The following PCDHGA2 variants were observed in gnomAD, a reference collection of about 807,000 sequenced individuals.
The protein encoded by PCDHGA2 is protocadherin gamma subfamily A, 2, also known as protocadherin gamma-A2.
A neutral mutation model predicts 59.2 loss-of-function variants in PCDHGA2; 40 were observed. The ratio of observed to expected loss-of-function variants is 0.68; its 90% confidence interval spans 0.52 to 0.88. The LOEUF (loss-of-function observed/expected upper bound fraction) is 0.88, where lower values mean the gene tolerates loss of function less well. Ranked by LOEUF, PCDHGA2 falls within the 40% of genes least tolerant of loss-of-function variation. PCDHGA2 has a pLI of 0.00. For synonymous variants in PCDHGA2, 560 were observed against 526.0 expected (o/e 1.06, Z -0.89); for missense variants, 1,226 against 1,204.0 (o/e 1.02, Z -0.27).
chr5:141,476,146 G>C lies in PCDHGA2; in HGVS notation c.2425-18661G>C. 1 of 1,611,402 alleles carries C rather than the reference G, an allele frequency of 6.2e-7. No individual in the cohort carries two copies. On this transcript the variant is annotated intron_variant, in intron 1 of 3. Transcript: ENST00000394576. This position sits in a 1 kb window ranked among gnomAD's most constrained non-coding sequence, Gnocchi z 7.6. ...TCCCAGAGGCCTGGAGGAGCGGACT[G>C]GTAAGCACCGGGAGGGTAGTGGGAG...
chr5:141,410,837 TTTTGTC>T, intron 1 of PCDHGA2: 3 of 501,732 alleles, frequency 6.0e-6, no homozygotes. Context: ...ACTGAAGATA[TTTTGTC>T]TTTGTCTTTT....
At position 141,431,376 on chromosome 5, in the gene PCDHGA2, C is replaced by T. The variant is rs558222633; in HGVS notation, c.2425-63431C>T. The T allele has an allele frequency of 1.2e-6, 2 of 1,613,436 alleles. No homozygotes were observed. Among genetic ancestry groups the T allele is most frequent in the African/African-American group, 2.7e-5 (2 of 75,070 alleles). On this transcript the variant is annotated intron_variant, in intron 1 of 3. Coordinates refer to ENST00000394576, the MANE Select transcript of PCDHGA2 (RefSeq NM_018915.4). The surrounding 1 kb of genome is among the most constrained non-coding windows in gnomAD (Gnocchi z 4.8). Reference sequence around the variant, plus strand: ...CGCGCCCTGGACCGCGAAGAAAAGGCTGCTCACCACCTGGTCCTTACGGCC... The same window carrying T: ...CGCGCCCTGGACCGCGAAGAAAAGGTTGCTCACCACCTGGTCCTTACGGCC...
Position 141,384,414 on chromosome 5 carries a change from C to T in PCDHGA2, c.2424+43019C>T, listed in dbSNP as rs1159996307. 5 of 1,613,838 alleles carry T rather than the reference C, an allele frequency of 3.1e-6. No individual in the cohort carries two copies. In the East Asian group the frequency reaches 8.9e-5, roughly 29 times the overall value. ...AGGGGGCTCCAGTGTCCTCCTATGT[C>T]TCCATAAACTCTGACACTGGAGTCC... On this transcript the variant is annotated intron_variant, in intron 1 of 3. Coordinates refer to ENST00000394576, the MANE Select transcript of PCDHGA2 (RefSeq NM_018915.4).
intron 1 of PCDHGA2, chr5:141,418,347 G>C: frequency 6.2e-7 from 1 of 1,614,024 alleles, no homozygotes; most frequent in Non-Finnish European, 8.5e-7. Context: ...CCTGATATTA[G>C]TATGAATTCG....
intron 1 of PCDHGA2, among the ~76,000 whole-genome samples, chr5:141,369,555 A>C (rs1302531724): frequency 6.6e-6 from 1 of 152,218 alleles, no homozygotes; most frequent in Non-Finnish European, 1.5e-5. Flanking sequence ...AGACACTTGG[A>C]AACAAAGGAA....
chr5:141,410,464 G>A, intron 1 of PCDHGA2: 1 of 1,613,994 alleles, frequency 6.2e-7, no homozygotes, highest in South Asian at 1.1e-5. Context: ...CTTATAATCT[G>A]TGCATTGCAC....
chr5:141,465,923 C>A (rs908350232), intron 1 of PCDHGA2, among the ~76,000 whole-genome samples: 2 of 152,062 alleles, frequency 1.3e-5, no homozygotes, highest in African/African-American at 4.8e-5. Flanking sequence ...GATTTCGAGT[C>A]CATCCTGGCT....
chr5:141,423,447 T>C (rs1347619382), intron 1 of PCDHGA2: 1 of 1,613,880 alleles, frequency 6.2e-7, no homozygotes, highest in Admixed American at 1.7e-5. Context: ...CCACGTCACA[T>C]TTTGTAGGCG....
rs756525217 is a variant in PCDHGA2, at chr5:141,402,958, A to T, written c.2424+61563A>T. On this transcript the variant is annotated intron_variant, in intron 1 of 3. Coordinates refer to ENST00000394576, the MANE Select transcript of PCDHGA2 (RefSeq NM_018915.4). Reference sequence around the variant, plus strand: ...AATTCCAAAGCGAGGCAGCAATGGCAGCTCCAACCAAATGCCAGCTCCGCG... The same window carrying T: ...AATTCCAAAGCGAGGCAGCAATGGCTGCTCCAACCAAATGCCAGCTCCGCG... 48 of 1,602,110 alleles carry T rather than the reference A, an allele frequency of 3.0e-5. 1 individual carries two copies. The highest frequency in any genetic ancestry group is 8.5e-7 in the Non-Finnish European group (1 of 1,173,862).
intron 1 of PCDHGA2, among the ~76,000 whole-genome samples, chr5:141,472,980 C>CAAAAA (rs60579131): frequency 1.7e-4 from 15 of 86,092 alleles, no homozygotes; most frequent in East Asian, 4.1e-4. Context: ...GAGTGAAACT[C>CAAAAA]AAAAAAAAAA....
rs191184566 is a variant in PCDHGA2 at position 141,373,694 on chromosome 5, A to G, written c.2424+32299A>G. Among the ~76,000 whole-genome samples the G allele has an allele frequency of 1.4e-4, 21 of 152,388 alleles. No individual in the cohort carries two copies. The Middle Eastern group carries it at 0.014, about 99-fold the overall frequency. ...GAATGGTAAACTTCAGAGAACATTTAAAATTATTCAAAATAATCTCTTACA... is the reference window on the plus strand; with the variant it reads ...GAATGGTAAACTTCAGAGAACATTTGAAATTATTCAAAATAATCTCTTACA... On this transcript the variant is annotated intron_variant, in intron 1 of 3. Transcript: ENST00000394576.
chr5:141,409,808 G>A lies in PCDHGA2; in HGVS notation c.2424+68413G>A, dbSNP rs1445467116. On this transcript the variant is annotated intron_variant, in intron 1 of 3. Coordinates refer to ENST00000394576, the MANE Select transcript of PCDHGA2 (RefSeq NM_018915.4). ...CTTCGCGCTCACGCTGCAGGCCCGC[G>A]ACCACGGCTCGCCCACGCTCAGCGC... 4.3e-6 allele frequency: 7 copies of A among 1,611,624 alleles called. No individual in the cohort carries two copies. In the East Asian group the frequency reaches 1.3e-4, roughly 31 times the overall value.
At chr5:141,355,738 C>T in intron 1 of PCDHGA2, 1 of 1,613,980 alleles carries the variant, frequency 6.2e-7, no homozygotes, top group African/African-American at 1.3e-5. Context: ...TTACTTTTCC[C>T]TGGACGTGCA....
intron 1 of PCDHGA2, chr5:141,346,452 C>T (rs763931622): frequency 1.4e-5 from 23 of 1,614,088 alleles, no homozygotes; most frequent in Non-Finnish European, 1.9e-5. Flanking sequence ...TTCCAACCTA[C>T]TTCAGGTGAG....
intron 2 of PCDHGA2, among the ~76,000 whole-genome samples, chr5:141,502,358 TA>T (rs1283802909): frequency 6.6e-6 from 1 of 152,134 alleles, no homozygotes; most frequent in African/African-American, 2.4e-5. Context: ...ATGACATGGA[TA>T]TTTTTAAAGA....
At chr5:141,421,352 A>T in intron 1 of PCDHGA2, 1 of 1,613,946 alleles carries the variant, frequency 6.2e-7, no homozygotes, top group Non-Finnish European at 8.5e-7. Context: ...GAGACCGAAA[A>T]GGGCTCCTTC....
Position 141,511,252 on chromosome 5 carries a change from G to C in PCDHGA2, c.*79G>C. 6.4e-7 allele frequency: 1 copy of C among 1,568,260 alleles called. No homozygotes were observed. The highest frequency in any genetic ancestry group is 8.6e-7 in the Non-Finnish European group (1 of 1,157,002). On this transcript the variant is annotated 3_prime_UTR_variant, in exon 4 of 4. Coordinates refer to ENST00000394576, the MANE Select transcript of PCDHGA2 (RefSeq NM_018915.4). ...TCTCCTTACCTGCACCCAGGCCTCA[G>C]AGTTTCAGGGCTAACCCCCAGAATA... is the stretch of plus-strand genomic sequence containing the variant.
rs2095830931 is a variant in PCDHGA2 at position 141,415,116 on chromosome 5, A to G, written c.2424+73721A>G. 3 of 1,613,652 alleles carry G rather than the reference A, an allele frequency of 1.9e-6. No individual in the cohort carries two copies. The East Asian group carries it at 6.7e-5, about 36-fold the overall frequency. On this transcript the variant is annotated intron_variant, in intron 1 of 3. Transcript: ENST00000394576. The stretch of plus-strand genomic sequence containing the variant: ...GAGACGCGCTCAAGCAAAGCCTCGT[A>G]GTGGCCGTCCAGGACCACGGCCAGC...
At chr5:141,498,457 G>A (rs1028236637) in intron 2 of PCDHGA2, among the ~76,000 whole-genome samples, 8 of 152,126 alleles carry the variant, frequency 5.3e-5, no homozygotes, top group African/African-American at 1.9e-4. Flanking sequence ...CTTTTATCCA[G>A]TCTAACCCTG....
Sources: gnomAD v4.1 joint callset for allele counts (sites outside exome capture counted in the v4.1 genomes callset) on GRCh38, gnomAD v4.1.1 for gene constraint, Gnocchi (gnomAD v3.1) non-coding constraint, MANE v1.5 for transcripts, NCBI Gene and HGNC (gene_info 2026-07-23, HGNC 2026-07-21) for gene names.